CACNA1C: variants seen among roughly 807,000 people sequenced by gnomAD.
CACNA1C encodes voltage-dependent L-type calcium channel subunit alpha-1C.
CACNA1C carries 30 observed loss-of-function variants against 229.0 expected under a neutral mutation model. The ratio of observed to expected loss-of-function variants is 0.13; its 90% confidence interval spans 0.10 to 0.18. The LOEUF (loss-of-function observed/expected upper bound fraction) is 0.18, where lower values mean the gene tolerates loss of function less well. Among genes scored for constraint, CACNA1C ranks in the 10% least tolerant of loss-of-function variants. The probability of loss-of-function intolerance (pLI) is 1.00; values close to 1 mark genes in which losing one functional copy is unlikely to be tolerated. For missense variants in CACNA1C, 1,658 were observed against 2,845.0 expected (o/e 0.58, Z 9.49); for synonymous variants, 1,114 against 1,132.5 (o/e 0.98, Z 0.33).
At chr12:2,347,661 C>G (rs2097086457) in intron 3 of CACNA1C, among the ~76,000 whole-genome samples, 1 of 152,242 alleles carries the variant, frequency 6.6e-6, no homozygotes, top group African/African-American at 2.4e-5. Flanking sequence ...TAGCTCCTGC[C>G]TTTGGGATTT....
At chr12:2,471,652 G>A (rs1442435777) in intron 5 of CACNA1C, among the ~76,000 whole-genome samples, 1 of 151,702 alleles carries the variant, frequency 6.6e-6, no homozygotes, top group Non-Finnish European at 1.5e-5. Flanking sequence ...ATTTTCTCCT[G>A]GTTTCCACTG....
intron 3 of CACNA1C, among the ~76,000 whole-genome samples, chr12:2,201,543 C>G (rs2097579800): frequency 6.6e-6 from 1 of 152,216 alleles, no homozygotes. Flanking sequence ...TAGGTCTTTG[C>G]TGCCAATCTG....
At chr12:2,448,441 G>C (rs1567737656) in intron 3 of CACNA1C, among the ~76,000 whole-genome samples, 1 of 152,138 alleles carries the variant, frequency 6.6e-6, no homozygotes, top group Non-Finnish European at 1.5e-5. Flanking sequence ...CTGCTCTTAA[G>C]GGATCTTCAC....
At chr12:2,094,690 C>T (rs1030130656) in intron 1 of CACNA1C, among the ~76,000 whole-genome samples, 1 of 152,180 alleles carries the variant, frequency 6.6e-6, no homozygotes, top group Non-Finnish European at 1.5e-5. Context: ...GGAAGAGACT[C>T]ATGCATTCAG....
intron 3 of CACNA1C, among the ~76,000 whole-genome samples, chr12:2,204,972 A>G (rs960392036): frequency 1.4e-5 from 2 of 147,686 alleles, no homozygotes; most frequent in Non-Finnish European, 3.0e-5. Flanking sequence ...AAACAAAAAC[A>G]AAAAAAAAAC....
chr12:2,049,679 T>G (rs1594366251), upstream of CACNA1C, among the ~76,000 whole-genome samples: 1 of 152,190 alleles, frequency 6.6e-6, no homozygotes, highest in African/African-American at 2.4e-5. Context: ...AGCAAAATAC[T>G]ATGCAGAAAG....
intron 3 of CACNA1C, among the ~76,000 whole-genome samples, chr12:2,328,672 A>G (rs539329438): frequency 6.6e-6 from 1 of 152,310 alleles, no homozygotes; most frequent in South Asian, 2.1e-4. Flanking sequence ...GAACTGAATC[A>G]ATGAATGCCA....
At chr12:1,987,839 A>G (rs2038243828) in intron 1 of CACNA1C, among the ~76,000 whole-genome samples, 1 of 152,076 alleles carries the variant, frequency 6.6e-6, no homozygotes, top group Non-Finnish European at 1.5e-5. Flanking sequence ...TTTTTGTTCA[A>G]TATTTTGTTT....
chr12:2,031,347 T>C (rs2048186313), intron 1 of CACNA1C, among the ~76,000 whole-genome samples: 1 of 152,196 alleles, frequency 6.6e-6, no homozygotes, highest in Non-Finnish European at 1.5e-5. Context: ...AACCCTCTGG[T>C]GTCCAAGTGA....
chr12:2,076,210 A>G (rs1262943438), intron 1 of CACNA1C, among the ~76,000 whole-genome samples: 4 of 152,170 alleles, frequency 2.6e-5, no homozygotes, highest in Non-Finnish European at 5.9e-5. Flanking sequence ...ACGTGCTCAC[A>G]TGTGCTAGGG....
chr12:2,619,987 AAG>A (rs1210606751), intron 29 of CACNA1C, among the ~76,000 whole-genome samples: 3 of 152,172 alleles, frequency 2.0e-5, no homozygotes, highest in Admixed American at 6.5e-5. Context: ...TTCAACTTAA[AAG>A]AAGCAGTCGA....
intron 1 of CACNA1C, among the ~76,000 whole-genome samples, chr12:2,070,389 C>G (rs887764190): frequency 1.3e-5 from 2 of 152,062 alleles, no homozygotes; most frequent in African/African-American, 4.8e-5. Context: ...TTGCATCTTG[C>G]ATTCCTTTTC....
At chr12:2,135,745 T>C (rs1306808177) in intron 3 of CACNA1C, among the ~76,000 whole-genome samples, 1 of 146,430 alleles carries the variant, frequency 6.8e-6, no homozygotes, top group Non-Finnish European at 1.5e-5. Context: ...CTGCAGAAGT[T>C]ACTGCTGTCT....
chr12:2,608,825 G>A lies in CACNA1C; in HGVS notation c.3558+113G>A, dbSNP rs1342586662. On this transcript the variant is annotated intron_variant, in intron 27 of 46. Transcript: ENST00000399655. The surrounding 1 kb of genome is among the most constrained non-coding windows in gnomAD (Gnocchi z 4.2). ...GAGAGGCCGTGCAGATACTGAGATCGTCTCTCTATTCCTCAACCAGAGTGG... is the reference window on the plus strand; with the variant it reads ...GAGAGGCCGTGCAGATACTGAGATCATCTCTCTATTCCTCAACCAGAGTGG... 3.4e-5 allele frequency: 35 copies of A among 1,024,826 alleles called. No homozygotes were observed. The highest frequency in any genetic ancestry group is 4.8e-5 in the Non-Finnish European group (33 of 690,428). The allele number at this position is 1,024,826 out of a possible 1,614,324, so 63.5% of individuals were successfully genotyped here.
At chr12:2,179,235 C>CTGTGAT (rs1265404556) in intron 3 of CACNA1C, among the ~76,000 whole-genome samples, 1 of 152,228 alleles carries the variant, frequency 6.6e-6, no homozygotes, top group East Asian at 1.9e-4. Context: ...ATTCCAGGCA[C>CTGTGAT]TCATGGCTGT....
At chr12:2,589,979 A>G (rs2064470449) in intron 18 of CACNA1C, among the ~76,000 whole-genome samples, 1 of 152,142 alleles carries the variant, frequency 6.6e-6, no homozygotes, top group Non-Finnish European at 1.5e-5. Context: ...TGTATCCACC[A>G]CCTGTGCTCC....
intron 1 of CACNA1C, among the ~76,000 whole-genome samples, chr12:2,093,273 G>A (rs1344939701): frequency 6.6e-6 from 1 of 152,168 alleles, no homozygotes; most frequent in Non-Finnish European, 1.5e-5. Context: ...TGGCAGGGTA[G>A]TATCTTACAC....
chr12:2,279,048 CTG>C (rs1280918903), intron 3 of CACNA1C, among the ~76,000 whole-genome samples: 2 of 152,122 alleles, frequency 1.3e-5, no homozygotes, highest in East Asian at 3.8e-4. Flanking sequence ...GGTGAAGTAT[CTG>C]TTCATATATT....
At chr12:1,973,446 G>A (rs1299209501) in intron 1 of CACNA1C, among the ~76,000 whole-genome samples, 1 of 152,100 alleles carries the variant, frequency 6.6e-6, no homozygotes, top group Non-Finnish European at 1.5e-5. Flanking sequence ...TACTAATTTG[G>A]ATTAAATTAA....
Sources: gnomAD v4.1 joint callset for allele counts (sites outside exome capture counted in the v4.1 genomes callset) on GRCh38, gnomAD v4.1.1 for gene constraint, Gnocchi (gnomAD v3.1) non-coding constraint, MANE v1.5 for transcripts, NCBI Gene and HGNC (gene_info 2026-07-23, HGNC 2026-07-21) for gene names.